CPNE5: variants seen among roughly 807,000 people sequenced by gnomAD.
CPNE5 encodes the protein copine 5, also known as copine-5.
CPNE5 carries 42 observed loss-of-function variants against 81.1 expected under a neutral mutation model. The ratio of observed to expected loss-of-function variants is 0.52; its 90% CI spans 0.40 to 0.67. The LOEUF (loss-of-function observed/expected upper bound fraction) is 0.67, where lower values mean the gene tolerates loss of function less well. Ranked by LOEUF, CPNE5 falls within the 30% of genes least tolerant of loss-of-function variation. The pLI, the probability that CPNE5 is intolerant of heterozygous loss-of-function variation, is 0.00. For synonymous variants in CPNE5, 313 were observed against 321.5 expected (o/e 0.97, Z 0.28); for missense variants, 612 against 815.5 (o/e 0.75, Z 3.04).
chr6:36,792,222 C>T, intron 7 of CPNE5, 126 bp from the exon 8 acceptor site: 1 of 1,230,388 alleles, frequency 8.1e-7, no homozygotes, highest in South Asian at 1.3e-5. Flanking sequence ...CACCCCAAAG[C>T]CCCTGAGAAG....
intron 1 of CPNE5, among the ~76,000 whole-genome samples, chr6:36,823,726 G>C (rs1436482929): frequency 1.3e-5 from 2 of 152,224 alleles, no homozygotes; most frequent in African/African-American, 4.8e-5. Context: ...TCTTTCAACA[G>C]GTGCTAAGCT....
chr6:36,798,532 G>A, intron 4 of CPNE5, 38 bp from the exon 5 acceptor site: 1 of 1,606,076 alleles, frequency 6.2e-7, no homozygotes, highest in Non-Finnish European at 8.5e-7. Flanking sequence ...GGCAGCTGCG[G>A]ACGTTCTGCC....
At chr6:36,742,576 C>G (rs1310291641) in intron 20 of CPNE5, 90 bp from the exon 21 acceptor site, 4 of 803,118 alleles carry the variant, frequency 5.0e-6, no homozygotes, top group Admixed American at 3.9e-5. Flanking sequence ...CCCCACCCCC[C>G]TCCCAGCCTC....
At chr6:36,770,673 A>G (rs1766966123) in intron 10 of CPNE5, among the ~76,000 whole-genome samples, 1 of 151,956 alleles carries the variant, frequency 6.6e-6, no homozygotes, top group Admixed American at 6.6e-5. Flanking sequence ...TCAGGGCACC[A>G]GATCTCTGGC....
intron 10 of CPNE5, among the ~76,000 whole-genome samples, chr6:36,772,349 G>T (rs1026476791): frequency 6.6e-6 from 1 of 151,878 alleles, no homozygotes; most frequent in Admixed American, 6.6e-5. Context: ...CAACCAGCCC[G>T]TCCTCTCACT....
chr6:36,765,986 G>A (rs192745292), intron 10 of CPNE5, among the ~76,000 whole-genome samples: 3 of 152,166 alleles, frequency 2.0e-5, no homozygotes, highest in Admixed American at 6.5e-5. Flanking sequence ...CTATGCATGC[G>A]GATGGGCTTT....
intron 6 of CPNE5, among the ~76,000 whole-genome samples, chr6:36,797,658 A>G (rs935357128): frequency 1.3e-5 from 2 of 152,230 alleles, no homozygotes; most frequent in African/African-American, 4.8e-5. Context: ...TCAGAGTAAC[A>G]GCTTTTCCCT....
intron 6 of CPNE5, 25 bp downstream of exon 6, chr6:36,798,140 C>G (rs1357510881): frequency 6.2e-7 from 1 of 1,605,354 alleles, no homozygotes; most frequent in Admixed American, 1.7e-5. Context: ...TGGCCTACCA[C>G]TGGGAAAGCA....
chr6:36,807,358 A>G (rs533807809), intron 3 of CPNE5, among the ~76,000 whole-genome samples: 1 of 152,290 alleles, frequency 6.6e-6, no homozygotes, highest in East Asian at 1.9e-4. Context: ...CCTCTGTAAA[A>G]TGGGAATGGC....
chr6:36,768,308 C>T (rs1456107448), intron 10 of CPNE5, among the ~76,000 whole-genome samples: 1 of 139,074 alleles, frequency 7.2e-6, no homozygotes, highest in East Asian at 2.3e-4. Context: ...GATCTCGGCT[C>T]ACTGCAACCT....
chr6:36,821,673 T>C (rs747485183), intron 3 of CPNE5, among the ~76,000 whole-genome samples: 6 of 152,170 alleles, frequency 3.9e-5, no homozygotes, highest in Non-Finnish European at 7.3e-5. Context: ...CTTGATTCAA[T>C]GCAGAAGGGA....
chr6:36,820,363 A>ATGGAGTCTCGCTCTGTCGCCCAGGC (rs1771936430), intron 3 of CPNE5, among the ~76,000 whole-genome samples: 1 of 97,560 alleles, frequency 1.0e-5, no homozygotes, highest in Non-Finnish European at 1.9e-5. Context: ...TTTTTTTGAG[A>ATGGAGTCTCGCTCTGTCGCCCAGGC]TGGAGTCTCG....
chr6:36,741,337 G>C lies in CPNE5; in HGVS notation c.*931C>G, dbSNP rs1052133562. 1 of 150,054 alleles carries C rather than the reference G, an allele frequency of 6.7e-6. No homozygotes were observed. The highest frequency in any genetic ancestry group is 6.7e-5 in the Admixed American group (1 of 14,942). The allele number at this position is 150,054 out of a possible 1,614,324, so 9.3% of individuals were successfully genotyped here. A position where few individuals can be genotyped will look rare whatever the true frequency, so the allele number is the denominator to read the frequency against. Reference sequence around the variant, plus strand: ...CAAAAGGTAGAAGGGCCTTGCTTGGGTTCCCACATTAGGCAGTGGGGGGAG... The same window carrying C: ...CAAAAGGTAGAAGGGCCTTGCTTGGCTTCCCACATTAGGCAGTGGGGGGAG... On this transcript the variant is annotated 3_prime_UTR_variant, in exon 21 of 21. Coordinates refer to ENST00000244751, the MANE Select transcript of CPNE5 (RefSeq NM_020939.2).
At chr6:36,834,285 AAGGG>A (rs1187594447) in intron 1 of CPNE5, among the ~76,000 whole-genome samples, 1,949 of 91,290 alleles carry the variant, frequency 0.021, 43 homozygotes, top group Non-Finnish European at 0.031. Context: ...AAAAGGAAGG[AAGGG>A]AGGGAGGGAG....
At chr6:36,790,461 A>G (rs1475659592) in intron 8 of CPNE5, among the ~76,000 whole-genome samples, 1 of 152,228 alleles carries the variant, frequency 6.6e-6, no homozygotes, top group Non-Finnish European at 1.5e-5. Flanking sequence ...CAGATTGACT[A>G]CAGAAGCAGC....
intron 6 of CPNE5, among the ~76,000 whole-genome samples, 182 bp from the exon 7 acceptor site, chr6:36,794,831 A>C (rs1769428142): frequency 6.6e-6 from 1 of 152,146 alleles, no homozygotes; most frequent in Non-Finnish European, 1.5e-5. Context: ...CCTCTCCTTC[A>C]GTGGTTCTCA....
intron 19 of CPNE5, among the ~76,000 whole-genome samples, 198 bp from the exon 20 acceptor site, chr6:36,743,960 G>C (rs771843312): frequency 6.6e-6 from 1 of 152,246 alleles, no homozygotes; most frequent in Non-Finnish European, 1.5e-5. Context: ...TTTGAGCCCA[G>C]TGCTTTGGTT....
intron 5 of CPNE5, 66 bp downstream of exon 5, chr6:36,798,389 A>C: frequency 1.3e-6 from 2 of 1,562,212 alleles, no homozygotes; most frequent in Admixed American, 1.7e-5. Context: ...GCAAAGCCCC[A>C]GGCTCACCCA....
intron 20 of CPNE5, 98 bp downstream of exon 20, chr6:36,743,591 G>A: frequency 8.4e-7 from 1 of 1,186,886 alleles, no homozygotes; most frequent in Non-Finnish European, 1.2e-6. Flanking sequence ...CCTCCCTTCT[G>A]GGCCCTTCAC....
Sources: allele counts gnomAD v4.1 joint callset (sites outside exome capture counted in the v4.1 genomes callset), GRCh38; gene constraint gnomAD v4.1.1; transcripts MANE v1.5; gene names NCBI Gene and HGNC (gene_info 2026-07-23, HGNC 2026-07-21).